The following QTMAN variants were observed in gnomAD, a reference collection of about 807,000 sequenced individuals.
QTMAN encodes tRNA-queuosine alpha-mannosyltransferase.
At chr2:144,169,210 T>C in the QTMAN span, among the ~76,000 whole-genome samples, 1 of 152,118 alleles carries the variant, frequency 6.6e-6, no homozygotes, top group Non-Finnish European at 1.5e-5. Context: ...GGTCCAAGCA[T>C]CAGTAGTTCT....
chr2:144,082,331 C>A, the QTMAN span, among the ~76,000 whole-genome samples: 1 of 152,156 alleles, frequency 6.6e-6, no homozygotes. Context: ...CTTAGCCCAG[C>A]ACAACATTTG....
At chr2:144,115,791 G>A in the QTMAN span, among the ~76,000 whole-genome samples, 4 of 152,054 alleles carry the variant, frequency 2.6e-5, no homozygotes, top group Non-Finnish European at 5.9e-5. Context: ...TCTTTCTCCA[G>A]GATTTGTGTG....
the QTMAN span, among the ~76,000 whole-genome samples, chr2:144,064,685 A>G: frequency 6.6e-6 from 1 of 152,228 alleles, no homozygotes; most frequent in Non-Finnish European, 1.5e-5. Context: ...TATATAAAAA[A>G]TGCCATGTAT....
chr2:144,328,282 A>G, the QTMAN span, among the ~76,000 whole-genome samples: 1 of 152,288 alleles, frequency 6.6e-6, no homozygotes, highest in African/African-American at 2.4e-5. Flanking sequence ...AAAAAAAATT[A>G]TCGTCTGTTT....
At chr2:143,965,275 A>G in the QTMAN span, among the ~76,000 whole-genome samples, 1 of 152,164 alleles carries the variant, frequency 6.6e-6, no homozygotes, top group Non-Finnish European at 1.5e-5. Flanking sequence ...CATGTCTCCT[A>G]TGGATCCAAA....
the QTMAN span, among the ~76,000 whole-genome samples, chr2:144,080,334 G>A: frequency 1.3e-5 from 2 of 151,996 alleles, no homozygotes; most frequent in South Asian, 2.1e-4. Flanking sequence ...CCATGAATGC[G>A]TTTAAGCACA....
the QTMAN span, among the ~76,000 whole-genome samples, chr2:144,202,619 AG>A: frequency 6.6e-6 from 1 of 152,140 alleles, no homozygotes; most frequent in African/African-American, 2.4e-5. Flanking sequence ...TTTGGGGATG[AG>A]TTTTTTTCCC....
the QTMAN span, among the ~76,000 whole-genome samples, chr2:144,106,673 C>A: frequency 6.6e-6 from 1 of 152,162 alleles, no homozygotes; most frequent in African/African-American, 2.4e-5. Context: ...ATTAACACCC[C>A]ACTGTCAACA....
At chr2:144,023,995 C>T in the QTMAN span, among the ~76,000 whole-genome samples, 3 of 152,152 alleles carry the variant, frequency 2.0e-5, no homozygotes, top group Admixed American at 6.5e-5. Flanking sequence ...GTAATGTATG[C>T]CAGGGTATAA....
chr2:143,962,693 G>C, the QTMAN span, among the ~76,000 whole-genome samples: 7 of 152,086 alleles, frequency 4.6e-5, no homozygotes, highest in Non-Finnish European at 2.9e-5. Context: ...GGAGGCATGG[G>C]ATCAAGAAAG....
chr2:144,064,253 A>C, the QTMAN span, among the ~76,000 whole-genome samples: 1 of 152,200 alleles, frequency 6.6e-6, no homozygotes, highest in Non-Finnish European at 1.5e-5. Flanking sequence ...GCAAAAGATA[A>C]AGGAGAAATG....
At chr2:144,175,622 T>C in the QTMAN span, among the ~76,000 whole-genome samples, 2 of 151,982 alleles carry the variant, frequency 1.3e-5, no homozygotes, top group Non-Finnish European at 2.9e-5. Context: ...TAAAGATATA[T>C]ATAGAGAGAT....
the QTMAN span, among the ~76,000 whole-genome samples, chr2:144,166,609 A>T: frequency 6.6e-6 from 1 of 152,164 alleles, no homozygotes; most frequent in Non-Finnish European, 1.5e-5. Context: ...TCATTTATCA[A>T]ATCCCAAAAT....
chr2:144,056,618 C>T, the QTMAN span, among the ~76,000 whole-genome samples: 1 of 152,202 alleles, frequency 6.6e-6, no homozygotes, highest in Admixed American at 6.5e-5. Flanking sequence ...ACAGTAAACA[C>T]TCAAAAGGTG....
the QTMAN span, chr2:144,011,640 TAAAA>T: frequency 6.7e-4 from 585 of 879,392 alleles, no homozygotes; most frequent in Middle Eastern, 1.7e-3. Flanking sequence ...TCTATGCTAG[TAAAA>T]AAAAAAAAAA....
the QTMAN span, among the ~76,000 whole-genome samples, chr2:144,119,537 A>G: frequency 6.6e-6 from 1 of 152,230 alleles, no homozygotes; most frequent in Non-Finnish European, 1.5e-5. Context: ...TGGTACAATG[A>G]CCAGGGAAGC....
the QTMAN span, among the ~76,000 whole-genome samples, chr2:143,993,033 CTTT>C: frequency 6.6e-6 from 1 of 152,090 alleles, no homozygotes; most frequent in Non-Finnish European, 1.5e-5. Context: ...TTAAAAATTT[CTTT>C]ATGTGAACTT....
At chr2:143,982,770 A>G in the QTMAN span, among the ~76,000 whole-genome samples, 2 of 149,470 alleles carry the variant, frequency 1.3e-5, no homozygotes, top group South Asian at 4.3e-4. Flanking sequence ...CTGACACAGG[A>G]GAACCTCCGT....
chr2:144,066,370 A>G, the QTMAN span, among the ~76,000 whole-genome samples: 1 of 152,254 alleles, frequency 6.6e-6, no homozygotes, highest in Non-Finnish European at 1.5e-5. Context: ...TGAGGATAAT[A>G]AAATACATTT....
Sources: gnomAD v4.1 joint callset for allele counts (sites outside exome capture counted in the v4.1 genomes callset) on GRCh38, gnomAD v4.1.1 for gene constraint, MANE v1.5 for transcripts, NCBI Gene and HGNC (gene_info 2026-07-23, HGNC 2026-07-21) for gene names.